ITFG1: variants seen among roughly 807,000 people sequenced by gnomAD.
ITFG1 encodes the protein T-cell immunomodulatory protein.
A neutral mutation model predicts 81.8 loss-of-function variants in ITFG1; 34 were observed. The ratio of observed to expected loss-of-function variants is 0.42; its 90% CI spans 0.32 to 0.55. The LOEUF (loss-of-function observed/expected upper bound fraction) is 0.55. Among genes scored for constraint, ITFG1 ranks in the 20% least tolerant of loss-of-function variants. The probability of loss-of-function intolerance (pLI) is 0.17; values close to 1 mark genes in which losing one functional copy is unlikely to be tolerated. For synonymous variants in ITFG1, 285 were observed against 270.6 expected (o/e 1.05, Z -0.52); for missense variants, 672 against 755.4 (o/e 0.89, Z 1.29).
rs34363166 is a variant in ITFG1 at position 47,160,187 on chromosome 16, TAAAA to T, written c.1662-1201_1662-1198del. On this transcript the variant is annotated intron_variant, in intron 16 of 17. Transcript: ENST00000320640. The stretch of plus-strand genomic sequence containing the variant: ...CAAATCAGGAATGTAAGTGTTTTGG[TAAAA>T]AAAAAAAAAAAAAAAGACAAAAGTC... Among the ~76,000 whole-genome samples the T allele has an allele frequency of 3.9e-4, 45 of 115,530 alleles. 1 individual carries two copies. In the East Asian group the frequency reaches 9.5e-3, roughly 24 times the overall value. 75.8% of individuals were successfully genotyped at this position (115,530 alleles called of 152,430 possible). A position where few individuals can be genotyped will look rare whatever the true frequency, so the allele number is the denominator to read the frequency against.
At chr16:47,396,350 C>G (rs577016933) in intron 6 of ITFG1, 4 of 153,348 alleles carry the variant, frequency 2.6e-5, no homozygotes, top group African/African-American at 9.6e-5. Flanking sequence ...AAGAAAGGAG[C>G]AAGACAGAAC....
intron 5 of ITFG1, among the ~76,000 whole-genome samples, chr16:47,437,149 ATGT>A (rs2151612649): frequency 6.6e-6 from 1 of 152,268 alleles, no homozygotes; most frequent in South Asian, 2.1e-4. Flanking sequence ...TGTGATGAAC[ATGT>A]TGTGATTATG....
intron 14 of ITFG1, among the ~76,000 whole-genome samples, chr16:47,182,452 C>T (rs1965139795): frequency 6.6e-6 from 1 of 151,174 alleles, no homozygotes; most frequent in Non-Finnish European, 1.5e-5. Context: ...AAAGTATGTA[C>T]TTTAACACTG....
intron 7 of ITFG1, among the ~76,000 whole-genome samples, chr16:47,375,514 G>A (rs1968312409): frequency 1.3e-5 from 2 of 152,044 alleles, no homozygotes; most frequent in African/African-American, 4.8e-5. Flanking sequence ...AAAGGCAAAG[G>A]GGAAAAATTG....
At chr16:47,416,648 G>A (rs1434800468) in intron 6 of ITFG1, among the ~76,000 whole-genome samples, 2 of 152,138 alleles carry the variant, frequency 1.3e-5, no homozygotes, top group Non-Finnish European at 1.5e-5. Flanking sequence ...ATTGTTTAAA[G>A]GAGCCTGGCA....
chr16:47,435,715 A>G (rs1049735492), intron 5 of ITFG1, among the ~76,000 whole-genome samples: 6 of 152,182 alleles, frequency 3.9e-5, no homozygotes, highest in African/African-American at 1.2e-4. Context: ...AGAAGAATCT[A>G]CTTCTCCAGG....
intron 6 of ITFG1, among the ~76,000 whole-genome samples, chr16:47,390,970 A>C (rs2151595742): frequency 6.6e-6 from 1 of 152,212 alleles, no homozygotes; most frequent in South Asian, 2.1e-4. Context: ...TTTTATATGA[A>C]GTTGAAGTGA....
intron 5 of ITFG1, among the ~76,000 whole-genome samples, chr16:47,443,128 C>A (rs925100177): frequency 1.7e-4 from 26 of 152,046 alleles, no homozygotes; most frequent in Non-Finnish European, 3.1e-4. Flanking sequence ...ATTTATGCAG[C>A]CAAAAAACAC....
At chr16:47,296,068 T>TTTTTA (rs59077423) in intron 10 of ITFG1, among the ~76,000 whole-genome samples, 19,585 of 148,434 alleles carry the variant, frequency 0.13, 1,639 homozygotes, top group African/African-American at 0.2. Flanking sequence ...CCCGGCTAAG[T>TTTTTA]TTTTATTTTA....
chr16:47,324,753 G>C (rs1180765869), intron 8 of ITFG1, among the ~76,000 whole-genome samples: 1 of 152,134 alleles, frequency 6.6e-6, no homozygotes, highest in Non-Finnish European at 1.5e-5. Context: ...CTACATAATG[G>C]TAAAGGGATC....
intron 14 of ITFG1, among the ~76,000 whole-genome samples, chr16:47,195,699 C>G (rs1195948667): frequency 6.6e-6 from 1 of 152,010 alleles, no homozygotes; most frequent in Non-Finnish European, 1.5e-5. Context: ...TGTCTGATAG[C>G]CTTTATTTCT....
intron 12 of ITFG1, among the ~76,000 whole-genome samples, chr16:47,257,475 T>C (rs757068754): frequency 6.6e-6 from 1 of 152,144 alleles, no homozygotes; most frequent in Non-Finnish European, 1.5e-5. Flanking sequence ...AGGATACTAC[T>C]AGCATGGGTG....
intron 6 of ITFG1, among the ~76,000 whole-genome samples, chr16:47,401,860 C>T (rs1448428801): frequency 6.6e-6 from 1 of 152,042 alleles, no homozygotes; most frequent in Non-Finnish European, 1.5e-5. Context: ...TGCTCTGGTT[C>T]CTTTGGTTTT....
intron 13 of ITFG1, among the ~76,000 whole-genome samples, chr16:47,236,950 C>A (rs529565099): frequency 6.6e-6 from 1 of 152,298 alleles, no homozygotes; most frequent in African/African-American, 2.4e-5. Context: ...TAAACGTTAA[C>A]ACTTTCCTGG....
intron 8 of ITFG1, among the ~76,000 whole-genome samples, chr16:47,336,378 G>T (rs919844447): frequency 6.6e-6 from 1 of 152,154 alleles, no homozygotes; most frequent in Non-Finnish European, 1.5e-5. Context: ...TGCTGCTCTC[G>T]GCTGTGGTAG....
chr16:47,437,629 A>AGCACTAATATG (rs1969184747), intron 5 of ITFG1, among the ~76,000 whole-genome samples: 1 of 152,244 alleles, frequency 6.6e-6, no homozygotes, highest in South Asian at 2.1e-4. Context: ...TGACAGGTAC[A>AGCACTAATATG]TTCTATTAGA....
At chr16:47,242,592 T>C (rs72800630) in intron 12 of ITFG1, among the ~76,000 whole-genome samples, 4,582 of 152,244 alleles carry the variant, frequency 0.03, 143 homozygotes, top group East Asian at 0.11. Context: ...CTGAACTTCA[T>C]TCATTATAAG....
At chr16:47,324,269 T>C (rs1038717598) in intron 8 of ITFG1, among the ~76,000 whole-genome samples, 5 of 151,842 alleles carry the variant, frequency 3.3e-5, no homozygotes, top group Admixed American at 2.0e-4. Flanking sequence ...TAAAATACTT[T>C]CCAGACAAGC....
Position 47,416,182 on chromosome 16 carries a change from C to T in ITFG1, c.655+12622G>A, listed in dbSNP as rs72800648. On this transcript the variant is annotated intron_variant, in intron 6 of 17. Transcript: ENST00000320640. ...CAGAAACTCTTCATGAGATTATGAG[C>T]GATGTCCACAAAATCAGGCACCAGA... 3.5e-3 allele frequency among the ~76,000 whole-genome samples: 525 copies of T among 151,592 alleles called. 8 individuals are homozygous for T. In the South Asian group the frequency reaches 0.054, roughly 16 times the overall value.
Sources: gnomAD v4.1 joint callset for allele counts (sites outside exome capture counted in the v4.1 genomes callset) on GRCh38, gnomAD v4.1.1 for gene constraint, MANE v1.5 for transcripts, NCBI Gene and HGNC (gene_info 2026-07-23, HGNC 2026-07-21) for gene names.